Variants in MACROD2 observed in about 807,000 individuals in gnomAD.
MACROD2 encodes ADP-ribose glycohydrolase MACROD2.
MACROD2 carries 36 observed loss-of-function variants against 70.4 expected under a neutral mutation model. The observed-to-expected ratio is 0.51, with a 90% CI of 0.39 to 0.68. MACROD2 has a LOEUF of 0.68. MACROD2 is among the 30% of genes least tolerant of loss of function. The pLI is 0.00. For missense variants in MACROD2, 496 were observed against 538.4 expected (o/e 0.92, Z 0.78); for synonymous variants, 172 against 178.8 (o/e 0.96, Z 0.30).
At position 15,951,256 on chromosome 20, in the gene MACROD2, A is replaced by G. The variant is rs116467551; in HGVS notation, c.907+13712A>G. Among the ~76,000 whole-genome samples, 676 of 150,874 alleles carry G rather than the reference A, an allele frequency of 4.5e-3. 3 individuals carry two copies. Among genetic ancestry groups the G allele is most frequent in the African/African-American group, 0.016 (643 of 41,154 alleles). Reference sequence around the variant, plus strand: ...TTTGCTCTGACTCTTTTCTAATGACATTTGTTGTCAGCTATTCTGCCACTG... The same window carrying G: ...TTTGCTCTGACTCTTTTCTAATGACGTTTGTTGTCAGCTATTCTGCCACTG... On this transcript the variant is annotated intron_variant, in intron 12 of 17. Coordinates refer to ENST00000684519, the MANE Select transcript of MACROD2 (RefSeq NM_001351661.2).
chr20:14,289,401 C>T (rs1299896275), intron 3 of MACROD2, among the ~76,000 whole-genome samples: 1 of 152,236 alleles, frequency 6.6e-6, no homozygotes, highest in Non-Finnish European at 1.5e-5. Flanking sequence ...GGTGTGGCCT[C>T]TGTGTAAAAC....
At chr20:14,227,755 A>G (rs187157696) in intron 3 of MACROD2, among the ~76,000 whole-genome samples, 1 of 152,372 alleles carries the variant, frequency 6.6e-6, no homozygotes, top group East Asian at 1.9e-4. Flanking sequence ...CTGAGCCTTT[A>G]AAATTTCCCT....
chr20:15,594,322 A>G (rs1052169324), intron 8 of MACROD2, among the ~76,000 whole-genome samples: 8 of 151,798 alleles, frequency 5.3e-5, no homozygotes, highest in South Asian at 2.1e-4. Flanking sequence ...TCTGTGCTCT[A>G]TGGAATTCCA....
At chr20:15,251,370 A>G (rs1254170982) in intron 6 of MACROD2, among the ~76,000 whole-genome samples, 1 of 152,166 alleles carries the variant, frequency 6.6e-6, no homozygotes, top group Non-Finnish European at 1.5e-5. Context: ...GCAAATTCTC[A>G]CTGAATAAAC....
chr20:15,264,644 C>T (rs7267781), intron 6 of MACROD2, among the ~76,000 whole-genome samples: 1,807 of 152,194 alleles, frequency 0.012, 35 homozygotes, highest in African/African-American at 0.04. Context: ...CGGATAGTCT[C>T]GCAGGTTGCA....
At chr20:15,178,023 A>G (rs1045697966) in intron 5 of MACROD2, among the ~76,000 whole-genome samples, 5 of 151,866 alleles carry the variant, frequency 3.3e-5, no homozygotes, top group Non-Finnish European at 4.4e-5. Flanking sequence ...GAGTTGTGGG[A>G]TTTCTATATG....
chr20:14,982,337 TGAG>T (rs1452500826), intron 5 of MACROD2, among the ~76,000 whole-genome samples: 1 of 152,180 alleles, frequency 6.6e-6, no homozygotes, highest in Non-Finnish European at 1.5e-5. Context: ...TTCCATTTTC[TGAG>T]GAGAAATTCA....
chr20:14,958,935 A>C (rs1410240344), intron 5 of MACROD2, among the ~76,000 whole-genome samples: 2 of 152,148 alleles, frequency 1.3e-5, no homozygotes, highest in Non-Finnish European at 1.5e-5. Context: ...GAACACTGCA[A>C]AATGTTTCTT....
At chr20:15,187,042 T>C (rs2076539302) in intron 5 of MACROD2, among the ~76,000 whole-genome samples, 2 of 152,232 alleles carry the variant, frequency 1.3e-5, no homozygotes, top group South Asian at 2.1e-4. Flanking sequence ...AACACTACTA[T>C]GTGAACAGTC....
chr20:14,424,352 G>T (rs1173710307), intron 3 of MACROD2, among the ~76,000 whole-genome samples: 2 of 152,062 alleles, frequency 1.3e-5, no homozygotes, highest in Non-Finnish European at 2.9e-5. Flanking sequence ...TTATTAGCAA[G>T]AAGTGGCATT....
intron 8 of MACROD2, among the ~76,000 whole-genome samples, chr20:15,581,823 A>T (rs2048528597): frequency 6.6e-6 from 1 of 152,132 alleles, no homozygotes; most frequent in Non-Finnish European, 1.5e-5. Flanking sequence ...AAAAACAGCA[A>T]AATGAAATAA....
chr20:15,864,910 T>C (rs2064471134), intron 9 of MACROD2, among the ~76,000 whole-genome samples: 1 of 152,174 alleles, frequency 6.6e-6, no homozygotes. Flanking sequence ...AAATTCTAAA[T>C]ATGCAATATG....
At chr20:14,636,281 T>A (rs200471741) in intron 4 of MACROD2, among the ~76,000 whole-genome samples, 1 of 152,226 alleles carries the variant, frequency 6.6e-6, no homozygotes, top group Non-Finnish European at 1.5e-5. Context: ...ATTTCTGGCT[T>A]AATAGGAACT....
At position 14,233,960 on chromosome 20, in the gene MACROD2, A is replaced by G. The variant is rs372189840; in HGVS notation, c.271+148232A>G. On this transcript the variant is annotated intron_variant, in intron 3 of 17. Transcript: ENST00000684519. ...TTTTAGGGCCGTGAAACTATTCTGTATGATACTCTAAAGGTAAATATATGA... is the reference window on the plus strand; with the variant it reads ...TTTTAGGGCCGTGAAACTATTCTGTGTGATACTCTAAAGGTAAATATATGA... 6.0e-4 allele frequency among the ~76,000 whole-genome samples: 91 copies of G among 152,280 alleles called. 1 individual carries two copies. Among genetic ancestry groups the G allele is most frequent in the African/African-American group, 2.1e-3 (88 of 41,582 alleles).
intron 8 of MACROD2, among the ~76,000 whole-genome samples, chr20:15,529,586 CA>C (rs1018332398): frequency 6.6e-6 from 1 of 150,554 alleles, no homozygotes; most frequent in African/African-American, 2.4e-5. Flanking sequence ...TAAATACAAG[CA>C]AAAAAATGTA....
At chr20:15,752,807 G>A (rs1435808439) in intron 8 of MACROD2, among the ~76,000 whole-genome samples, 3 of 151,866 alleles carry the variant, frequency 2.0e-5, no homozygotes, top group African/African-American at 7.3e-5. Flanking sequence ...TCTCATAATT[G>A]TTCCTACTTA....
intron 6 of MACROD2, among the ~76,000 whole-genome samples, chr20:15,371,316 A>C (rs1395577817): frequency 6.6e-6 from 1 of 152,154 alleles, no homozygotes; most frequent in Admixed American, 6.5e-5. Flanking sequence ...GTATCATCTT[A>C]GAGGTTTCAG....
At chr20:14,335,647 C>T (rs766304175) in intron 3 of MACROD2, among the ~76,000 whole-genome samples, 19 of 151,926 alleles carry the variant, frequency 1.3e-4, no homozygotes, top group Admixed American at 6.6e-4. Context: ...TGGGGTGCAG[C>T]GAAATGAAAA....
At chr20:15,733,349 T>C (rs1270258069) in intron 8 of MACROD2, among the ~76,000 whole-genome samples, 1 of 152,164 alleles carries the variant, frequency 6.6e-6, no homozygotes, top group Non-Finnish European at 1.5e-5. Flanking sequence ...TTAATTTCAT[T>C]GATTTCTACT....
Sources: gnomAD v4.1 joint callset for allele counts (sites outside exome capture counted in the v4.1 genomes callset) on GRCh38, gnomAD v4.1.1 for gene constraint, MANE v1.5 for transcripts, NCBI Gene and HGNC (gene_info 2026-07-23, HGNC 2026-07-21) for gene names.